DAPK1: variants seen among roughly 807,000 people sequenced by gnomAD.
DAPK1 encodes the protein death-associated protein kinase 1.
In DAPK1, 56 loss-of-function variants were observed where a neutral mutation model predicts 144.9. That is an observed-to-expected ratio of 0.39 (90% CI 0.31 to 0.48). The LOEUF (loss-of-function observed/expected upper bound fraction) is 0.48, where lower values mean the gene tolerates loss of function less well. Ranked by LOEUF, DAPK1 falls within the 20% of genes least tolerant of loss-of-function variation. The pLI is 0.95. For missense variants in DAPK1, 1,454 were observed against 1,875.4 expected (o/e 0.78, Z 4.15); for synonymous variants, 690 against 749.0 (o/e 0.92, Z 1.29).
At chr9:87,685,312 C>A (rs779702142) in intron 20 of DAPK1, among the ~76,000 whole-genome samples, 2 of 152,134 alleles carry the variant, frequency 1.3e-5, no homozygotes, top group African/African-American at 4.8e-5. Context: ...GTTGGATACC[C>A]CCATTATCCA....
At chr9:87,643,517 C>T (rs779832722) in intron 11 of DAPK1, 49 bp downstream of exon 11, 1 of 1,162,460 alleles carries the variant, frequency 8.6e-7, no homozygotes, top group South Asian at 1.3e-5. Context: ...ACTGGGTACT[C>T]AGAATGACCA....
intron 22 of DAPK1, 27 bp from the exon 23 acceptor site, chr9:87,698,629 C>G (rs993616007): frequency 6.4e-7 from 1 of 1,559,858 alleles, no homozygotes; most frequent in East Asian, 2.2e-5. Flanking sequence ...GACCCACCCC[C>G]TGAAGCAGTT....
chr9:87,639,266 T>C (rs1830008108), intron 4 of DAPK1, 88 bp from the exon 5 acceptor site: 4 of 1,262,516 alleles, frequency 3.2e-6, no homozygotes, highest in Admixed American at 6.7e-5. Flanking sequence ...TGGCCTTTTT[T>C]TTTTTTTTGG....
At chr9:87,640,599 G>T in intron 8 of DAPK1, 149 bp downstream of exon 8, 1 of 1,031,188 alleles carries the variant, frequency 9.7e-7, no homozygotes, top group Non-Finnish European at 1.4e-6. Context: ...TTCAGAAAAT[G>T]CAAGCAGGGC....
intron 2 of DAPK1, among the ~76,000 whole-genome samples, chr9:87,578,270 T>C (rs1827632726): frequency 6.6e-6 from 1 of 152,250 alleles, no homozygotes; most frequent in South Asian, 2.1e-4. Context: ...TGGATGTATG[T>C]AGTTGCATAG....
At chr9:87,637,394 C>G (rs1829938675) in intron 3 of DAPK1, among the ~76,000 whole-genome samples, 1 of 152,030 alleles carries the variant, frequency 6.6e-6, no homozygotes, top group African/African-American at 2.4e-5. Context: ...GCCCAGGCTA[C>G]TAAATGTGAT....
At chr9:87,580,777 CAT>C (rs1827726649) in intron 2 of DAPK1, among the ~76,000 whole-genome samples, 1 of 152,224 alleles carries the variant, frequency 6.6e-6, no homozygotes, top group African/African-American at 2.4e-5. Context: ...GTAAAGAAGA[CAT>C]ATACGAGTCT....
In DAPK1 at chr9:87,571,460, C is replaced by CACCCCA. The variant is rs1564000689; in HGVS notation, c.63-33492_63-33491insCCCAAC. On this transcript the variant is annotated intron_variant, in intron 2 of 25. Transcript: ENST00000408954. ...CAACACACACACACACACACACACACACACACACACACACCAACACACACA... is the reference window on the plus strand; with the variant it reads ...CAACACACACACACACACACACACACACCCCAACACACACACACACCAACACACACA... 6.1e-5 allele frequency among the ~76,000 whole-genome samples: 4 copies of CACCCCA among 66,092 alleles called. 1 individual carries two copies. The highest frequency in any genetic ancestry group is 3.2e-4 in the African/African-American group (4 of 12,662). 43.4% of individuals were successfully genotyped at this position (66,092 alleles called of 152,430 possible).
chr9:87,525,276 T>TA, intron 2 of DAPK1: 2 of 1,569,938 alleles, frequency 1.3e-6, no homozygotes. Context: ...TTCTTGCTTT[T>TA]ACCTCGTTGC....
At chr9:87,632,940 A>G (rs1829759892) in intron 3 of DAPK1, 4 of 943,316 alleles carry the variant, frequency 4.2e-6, no homozygotes, top group South Asian at 1.0e-4. Flanking sequence ...GGTGATCAGT[A>G]TATACGTAGG....
At chr9:87,696,972 G>A in intron 21 of DAPK1, 35 bp from the exon 22 acceptor site, 4 of 1,104,046 alleles carry the variant, frequency 3.6e-6, no homozygotes, top group Non-Finnish European at 5.6e-6. Context: ...GGTTAGTGGT[G>A]TTTCACGATT....
chr9:87,565,982 G>A (rs11141890), intron 2 of DAPK1, among the ~76,000 whole-genome samples: 2 of 151,344 alleles, frequency 1.3e-5, no homozygotes, highest in South Asian at 4.2e-4. Context: ...TAGTGGCAGT[G>A]CTGAGATTTG....
At chr9:87,511,615 G>A (rs532488824) in intron 2 of DAPK1, among the ~76,000 whole-genome samples, 4 of 151,918 alleles carry the variant, frequency 2.6e-5, no homozygotes, top group East Asian at 3.9e-4. Flanking sequence ...ACATAAATTC[G>A]TGTTTTTAAT....
rs372060566 is a variant in DAPK1, at chr9:87,629,008, T to C, written c.285-8935T>C. Among the ~76,000 whole-genome samples the C allele has an allele frequency of 3.3e-4, 51 of 152,336 alleles. No homozygotes were observed. The South Asian group carries it at 0.01, about 30-fold the overall frequency. ...GCAGCTTGCAAGGAGTTATTACTTA[T>C]TATGGGTTGGATTGGATACTCCCCC... On this transcript the variant is annotated intron_variant, in intron 3 of 25. Transcript: ENST00000408954.
intron 17 of DAPK1, among the ~76,000 whole-genome samples, chr9:87,654,916 T>C (rs1295021883): frequency 2.0e-5 from 3 of 152,144 alleles, no homozygotes; most frequent in African/African-American, 4.8e-5. Context: ...TTAAATACAC[T>C]CTTCAAAAAA....
chr9:87,692,624 AAT>A (rs1468303828), intron 21 of DAPK1, among the ~76,000 whole-genome samples: 4 of 151,948 alleles, frequency 2.6e-5, no homozygotes, highest in Non-Finnish European at 5.9e-5. Context: ...TCTCTTCCTT[AAT>A]ATGTTTCCTC....
At chr9:87,599,562 A>G (rs984509276) in intron 2 of DAPK1, among the ~76,000 whole-genome samples, 2 of 152,192 alleles carry the variant, frequency 1.3e-5, no homozygotes, top group African/African-American at 4.8e-5. Context: ...AATGTGTCTC[A>G]TTATCTTTGT....
At chr9:87,650,698 G>T (rs1193989530) in intron 16 of DAPK1, among the ~76,000 whole-genome samples, 2 of 152,156 alleles carry the variant, frequency 1.3e-5, no homozygotes, top group African/African-American at 4.8e-5. Flanking sequence ...TATTTTCTTT[G>T]TATAGAGCAA....
intron 2 of DAPK1, among the ~76,000 whole-genome samples, chr9:87,519,846 C>A (rs1487341963): frequency 6.6e-6 from 1 of 152,082 alleles, no homozygotes; most frequent in Non-Finnish European, 1.5e-5. Flanking sequence ...GGGAGGGAAG[C>A]CATGGGATGC....
Sources: gnomAD v4.1 joint callset for allele counts (sites outside exome capture counted in the v4.1 genomes callset) on GRCh38, gnomAD v4.1.1 for gene constraint, MANE v1.5 for transcripts, NCBI Gene and HGNC (gene_info 2026-07-23, HGNC 2026-07-21) for gene names.